Variants in ZFPM1 observed in about 807,000 individuals in gnomAD.
The protein encoded by ZFPM1 is zinc finger protein, FOG family member 1.
ZFPM1 carries 28 observed loss-of-function variants against 46.3 expected under a neutral mutation model. The ratio of observed to expected loss-of-function variants is 0.60; its 90% CI spans 0.45 to 0.83. The LOEUF is 0.83. Ranked by LOEUF, ZFPM1 falls within the 40% of genes least tolerant of loss-of-function variation. The pLI is 0.00. For synonymous variants in ZFPM1, 957 were observed against 675.9 expected (o/e 1.42, Z -6.45); for missense variants, 1,878 against 1,432.4 (o/e 1.31, Z -5.02).
chr16:88,517,713 G>A (rs1180872641), intron 4 of ZFPM1, among the ~76,000 whole-genome samples: 2 of 150,654 alleles, frequency 1.3e-5, no homozygotes, highest in South Asian at 2.1e-4. Flanking sequence ...TGGATGAGTG[G>A]GTGGGTGGAT....
Position 88,466,570 on chromosome 16 carries a change from G to A in ZFPM1, c.40+12892G>A, listed in dbSNP as rs150554672. On this transcript the variant is annotated intron_variant, in intron 1 of 9. Transcript: ENST00000319555. Reference sequence around the variant, plus strand: ...AAAGGGCAGGGGACGGCTGAGGGCCGCACAGCCCATCCTGGCAGTGGGAGG... The same window carrying A: ...AAAGGGCAGGGGACGGCTGAGGGCCACACAGCCCATCCTGGCAGTGGGAGG... Among the ~76,000 whole-genome samples the A allele has an allele frequency of 2.1e-3, 323 of 152,312 alleles. 4 individuals carry two copies. The highest frequency in any genetic ancestry group is 6.9e-3 in the African/African-American group (285 of 41,564).
rs75308642 is a variant in ZFPM1, at chr16:88,456,404, A to C, written c.40+2726A>C. ...TGCTTGGAGTTTTCTTGAAAAAAAAAAAATCAAGGTGGTTTCCATGGCCCA... is the reference window on the plus strand; with the variant it reads ...TGCTTGGAGTTTTCTTGAAAAAAAACAAATCAAGGTGGTTTCCATGGCCCA... On this transcript the variant is annotated intron_variant, in intron 1 of 9. Transcript: ENST00000319555. Among the ~76,000 whole-genome samples, 283 of 152,226 alleles carry C rather than the reference A, an allele frequency of 1.9e-3. 1 individual carries two copies. Among genetic ancestry groups the C allele is most frequent in the Non-Finnish European group, 3.0e-3 (203 of 67,996 alleles).
intron 3 of ZFPM1, among the ~76,000 whole-genome samples, chr16:88,513,889 C>G (rs1410800656): frequency 6.6e-6 from 1 of 152,230 alleles, no homozygotes; most frequent in Non-Finnish European, 1.5e-5. Context: ...TTCTGTGTCT[C>G]TTAGAAAGAT....
intron 1 of ZFPM1, among the ~76,000 whole-genome samples, chr16:88,484,280 C>T (rs1909096240): frequency 6.6e-6 from 1 of 152,210 alleles, no homozygotes; most frequent in Non-Finnish European, 1.5e-5. Flanking sequence ...AACCACCTAG[C>T]CAGAGGCGCA....
chr16:88,475,421 C>A (rs941384395), intron 1 of ZFPM1, among the ~76,000 whole-genome samples: 1 of 152,070 alleles, frequency 6.6e-6, no homozygotes, highest in Admixed American at 6.5e-5. Context: ...GAAACTGAGG[C>A]CAGCAAGGGG....
intron 1 of ZFPM1, 124 bp from the exon 2 acceptor site, chr16:88,485,815 C>T (rs988708164): frequency 1.2e-6 from 1 of 814,026 alleles, no homozygotes; most frequent in African/African-American, 1.7e-5. Flanking sequence ...GAGGGATGAC[C>T]CTCACCCCCA....
Position 88,497,920 on chromosome 16 carries a change from G to A in ZFPM1, c.268+8767G>A, listed in dbSNP as rs918844572. Among the ~76,000 whole-genome samples the A allele has an allele frequency of 1.3e-5, 2 of 152,354 alleles. No individual in the cohort carries two copies. Among genetic ancestry groups the A allele is most frequent in the Middle Eastern group, 3.4e-3 (1 of 294 alleles). On this transcript the variant is annotated intron_variant, in intron 3 of 9. Transcript: ENST00000319555. This position sits in a 1 kb window ranked among gnomAD's most constrained non-coding sequence, Gnocchi z 5.4. ...CTATCGGGTGGAGGCTGAGGCGGGG[G>A]CCCGGCCTGATGGACAGCAGGGAGA...
At chr16:88,472,027 G>A (rs974261213) in intron 1 of ZFPM1, among the ~76,000 whole-genome samples, 20 of 152,226 alleles carry the variant, frequency 1.3e-4, no homozygotes, top group South Asian at 1.0e-3. Context: ...GATGGGCAGC[G>A]GAAGTCTGTT....
rs765791939 is a variant in ZFPM1, at chr16:88,532,127, G to A, written c.838G>A (p.Glu280Lys). The A allele has an allele frequency of 8.7e-6, 14 of 1,612,604 alleles. No individual in the cohort carries two copies. In the East Asian group the frequency reaches 1.8e-4, roughly 21 times the overall value. ...TGSPAAAATD[E>K]KPKETYPNER... ...CTCCCCGGCCGCAGCCGCCACAGAC[G>A]AGAAGCCCAAAGAGACCTACCCCAA... Residue 280 changes from glutamate (E) to lysine (K), a missense_variant, in exon 7 of 10, where the codon GAG becomes AAG. By Grantham distance (56) the Glu-to-Lys change is moderately conservative. Transcript: ENST00000319555.
chr16:88,514,861 G>C (rs752598950), intron 4 of ZFPM1, among the ~76,000 whole-genome samples: 1 of 152,206 alleles, frequency 6.6e-6, no homozygotes, highest in Non-Finnish European at 1.5e-5. Flanking sequence ...TTGGGGTACT[G>C]GGACGGTGGG....
intron 1 of ZFPM1, among the ~76,000 whole-genome samples, chr16:88,465,311 C>T (rs377520002): frequency 3.3e-5 from 5 of 152,246 alleles, no homozygotes; most frequent in African/African-American, 7.2e-5. Context: ...AGCTAGTAAC[C>T]GTGGCCCACA....
intron 1 of ZFPM1, among the ~76,000 whole-genome samples, chr16:88,481,252 G>A (rs564574171): frequency 6.6e-6 from 1 of 152,316 alleles, no homozygotes; most frequent in East Asian, 1.9e-4. Flanking sequence ...CCAGGCAGGT[G>A]CAGCCTTGGC....
intron 1 of ZFPM1, among the ~76,000 whole-genome samples, chr16:88,459,148 C>T (rs1303642897): frequency 2.6e-5 from 4 of 152,188 alleles, no homozygotes; most frequent in Non-Finnish European, 5.9e-5. Context: ...GGCCCCCATG[C>T]AGCTCCTTCA....
rs554804138 is a variant in ZFPM1, at chr16:88,488,572, G to A, written c.146-459G>A. On this transcript the variant is annotated intron_variant, in intron 2 of 9. Coordinates refer to ENST00000319555, the MANE Select transcript of ZFPM1 (RefSeq NM_153813.3). Reference sequence around the variant, plus strand: ...TATTAATAATCTGTAGACACGTGACGTCATGGGGTGGGGGGGCTTTATGGG... The same window carrying A: ...TATTAATAATCTGTAGACACGTGACATCATGGGGTGGGGGGGCTTTATGGG... Among the ~76,000 whole-genome samples, 7 of 152,158 alleles carry A rather than the reference G, an allele frequency of 4.6e-5. No homozygotes were observed. In the South Asian group the frequency reaches 8.3e-4, roughly 18 times the overall value.
intron 3 of ZFPM1, among the ~76,000 whole-genome samples, chr16:88,492,459 T>C (rs1909634138): frequency 6.6e-6 from 1 of 152,170 alleles, no homozygotes; most frequent in East Asian, 1.9e-4. Context: ...CAAGGGGCAC[T>C]CTGCACCTTG....
intron 3 of ZFPM1, among the ~76,000 whole-genome samples, chr16:88,508,091 G>A (rs942255353): frequency 1.3e-5 from 2 of 152,342 alleles, no homozygotes; most frequent in Middle Eastern, 3.4e-3. Flanking sequence ...GAGGTCAGGA[G>A]TTCAAGACAC....
intron 3 of ZFPM1, among the ~76,000 whole-genome samples, chr16:88,498,885 C>T (rs543179542): frequency 6.6e-6 from 1 of 152,212 alleles, no homozygotes; most frequent in Non-Finnish European, 1.5e-5. Flanking sequence ...GGCCCTGAGC[C>T]TTCCCATGAC....
At position 88,486,007 on chromosome 16, in the gene ZFPM1, G is replaced by A. The variant is rs777259890; in HGVS notation, c.109G>A (p.Ala37Thr). The change falls in exon 2 of 10, where the codon GCC (alanine) becomes ACC (threonine). Residue 37 changes from alanine to threonine, a missense_variant. Ala to Thr is a moderately conservative substitution (Grantham distance 58). Transcript: ENST00000319555. Reference protein sequence around the residue: ...LVGASHMEQKATAPEAPSPPS... With the variant: ...LVGASHMEQKTTAPEAPSPPS... ...GGGTGCCAGCCACATGGAGCAAAAG[G>A]CCACGGCACCTGAAGCCCCGAGCCC... 22 of 1,612,682 alleles carry A rather than the reference G, an allele frequency of 1.4e-5. No homozygotes were observed. Among genetic ancestry groups the A allele is most frequent in the Non-Finnish European group, 1.8e-5 (21 of 1,179,918 alleles).
At chr16:88,467,608 C>A (rs1258148520) in intron 1 of ZFPM1, among the ~76,000 whole-genome samples, 1 of 152,216 alleles carries the variant, frequency 6.6e-6, no homozygotes, top group African/African-American at 2.4e-5. Flanking sequence ...TCCTGTCATG[C>A]TGGGACCTCC....
Sources: gnomAD v4.1 joint callset for allele counts (sites outside exome capture counted in the v4.1 genomes callset) on GRCh38, gnomAD v4.1.1 for gene constraint, Gnocchi (gnomAD v3.1) non-coding constraint, MANE v1.5 for transcripts, NCBI Gene and HGNC (gene_info 2026-07-23, HGNC 2026-07-21) for gene names.